Variants in RAB11A observed in about 807,000 individuals in gnomAD.
RAB11A encodes the protein ras-related protein Rab-11A.
A neutral mutation model predicts 28.0 loss-of-function variants in RAB11A; 9 were observed. That is an observed-to-expected ratio of 0.32 (90% CI 0.19 to 0.56). The LOEUF is 0.56. Ranked by LOEUF, RAB11A falls within the 20% of genes least tolerant of loss-of-function variation. The probability of loss-of-function intolerance (pLI) is 0.91; values close to 1 mark genes in which losing one functional copy is unlikely to be tolerated. For synonymous variants in RAB11A, 85 were observed against 88.2 expected (o/e 0.96, Z 0.20); for missense variants, 108 against 269.6 (o/e 0.40, Z 4.20).
At chr15:65,873,102 A>G (rs2078172718) in intron 1 of RAB11A, among the ~76,000 whole-genome samples, 2 of 152,264 alleles carry the variant, frequency 1.3e-5, no homozygotes, top group Non-Finnish European at 2.9e-5. Flanking sequence ...GTTCTTGAAC[A>G]GTAACCTTTA....
intron 3 of RAB11A, among the ~76,000 whole-genome samples, chr15:65,878,254 G>T (rs1353368637): frequency 6.6e-6 from 1 of 152,198 alleles, no homozygotes; most frequent in Non-Finnish European, 1.5e-5. Context: ...CAGAGGCTCA[G>T]GGAGTGTCAG....
At chr15:65,874,387 ATGCGCCAC>A (rs2078180071) in intron 1 of RAB11A, among the ~76,000 whole-genome samples, 1 of 152,024 alleles carries the variant, frequency 6.6e-6, no homozygotes, top group East Asian at 1.9e-4. Context: ...GACTACGGGC[ATGCGCCAC>A]CACACCTGGC....
chr15:65,885,843 C>T (rs1380605478), intron 4 of RAB11A, among the ~76,000 whole-genome samples: 1 of 152,208 alleles, frequency 6.6e-6, no homozygotes, highest in African/African-American at 2.4e-5. Context: ...AGATGACCCA[C>T]CTCCCAATGG....
At position 65,887,677 on chromosome 15, in the gene RAB11A, A is replaced by G. The variant is rs763226821; in HGVS notation, c.512-24A>G. 10 of 1,597,464 alleles carry G rather than the reference A, an allele frequency of 6.3e-6. No homozygotes were observed. In the Admixed American group the frequency reaches 1.7e-4, roughly 27 times the overall value. On this transcript the variant is annotated intron_variant, in intron 4 of 4. Coordinates refer to ENST00000261890, the MANE Select transcript of RAB11A (RefSeq NM_004663.5). ...TATGATAGGTTTATTCACACTAAGT[A>G]TTGTGGTTTCTTTTTTCCTTCAGAG...
chr15:65,880,182 A>G (rs1280795271), intron 4 of RAB11A, among the ~76,000 whole-genome samples: 1 of 152,234 alleles, frequency 6.6e-6, no homozygotes, highest in African/African-American at 2.4e-5. Context: ...CTCCCATGAT[A>G]CAGAAGAAGG....
chr15:65,879,833 C>G, intron 4 of RAB11A, 82 bp downstream of exon 4: 1 of 1,078,448 alleles, frequency 9.3e-7, no homozygotes, highest in Non-Finnish European at 1.4e-6. Context: ...AGTAACTAAA[C>G]TATATATCAG....
In RAB11A at chr15:65,889,813, C is replaced by G. The variant is rs963647327; in HGVS notation, c.*1973C>G. Reference sequence around the variant, plus strand: ...ATAAAGTAAACTTAGAATTTTTACCCAAGTGTAGACTTAAATGTTGCTTTG... The same window carrying G: ...ATAAAGTAAACTTAGAATTTTTACCGAAGTGTAGACTTAAATGTTGCTTTG... On this transcript the variant is annotated 3_prime_UTR_variant, in exon 5 of 5. Transcript: ENST00000261890. 3 of 152,084 alleles carry G rather than the reference C, an allele frequency of 2.0e-5. No homozygotes were observed. Among genetic ancestry groups the G allele is most frequent in the African/African-American group, 7.2e-5 (3 of 41,394 alleles). 9.4% of individuals were successfully genotyped at this position (152,084 alleles called of 1,614,324 possible). A position where few individuals can be genotyped will look rare whatever the true frequency, so the allele number is the denominator to read the frequency against.
intron 3 of RAB11A, among the ~76,000 whole-genome samples, chr15:65,878,705 AAGAG>A (rs1405013222): frequency 6.6e-6 from 1 of 152,178 alleles, no homozygotes; most frequent in Non-Finnish European, 1.5e-5. Context: ...CAAACAAAAA[AAGAG>A]AGAAAGTCTT....
Position 65,888,833 on chromosome 15 carries a change from T to C in RAB11A, c.*993T>C, listed in dbSNP as rs756966091. 8 of 152,496 alleles carry C rather than the reference T, an allele frequency of 5.2e-5. No individual in the cohort carries two copies. Among genetic ancestry groups the C allele is most frequent in the Non-Finnish European group, 7.4e-5 (5 of 68,024 alleles). The allele number at this position is 152,496 out of a possible 1,614,324, so 9.4% of individuals were successfully genotyped here. ...GAGTTTTGCAGTATATTATAGAATATAGTCCAGTTAAATCTTTGGTTTCAG... is the reference window on the plus strand; with the variant it reads ...GAGTTTTGCAGTATATTATAGAATACAGTCCAGTTAAATCTTTGGTTTCAG... On this transcript the variant is annotated 3_prime_UTR_variant, in exon 5 of 5. Transcript: ENST00000261890.
At chr15:65,878,252 CAG>C (rs751690208) in intron 3 of RAB11A, among the ~76,000 whole-genome samples, 21 of 152,170 alleles carry the variant, frequency 1.4e-4, no homozygotes, top group Non-Finnish European at 2.8e-4. Flanking sequence ...GGCAGAGGCT[CAG>C]GGAGTGTCAG....
rs921327312 is a variant in RAB11A at position 65,891,552 on chromosome 15, A to C, written c.*3712A>C. 1 of 152,230 alleles carries C rather than the reference A, an allele frequency of 6.6e-6. No individual in the cohort carries two copies. Among genetic ancestry groups the C allele is most frequent in the African/African-American group, 2.4e-5 (1 of 41,456 alleles). The allele number at this position is 152,230 out of a possible 1,614,324, so 9.4% of individuals were successfully genotyped here. ...CATTCTTCCAATTAATGAGGGTACC[A>C]GATTAAATAAACTCTGGGGATTCAT... On this transcript the variant is annotated 3_prime_UTR_variant, in exon 5 of 5. Transcript: ENST00000261890.
intron 1 of RAB11A, among the ~76,000 whole-genome samples, chr15:65,872,213 C>T (rs1182001695): frequency 1.3e-5 from 2 of 151,954 alleles, no homozygotes; most frequent in Admixed American, 1.3e-4. Flanking sequence ...CTCAGCCTCC[C>T]CAAGTGCTGG....
intron 1 of RAB11A, among the ~76,000 whole-genome samples, chr15:65,872,433 A>G (rs1225293200): frequency 1.4e-5 from 2 of 144,322 alleles, no homozygotes; most frequent in East Asian, 4.0e-4. Context: ...GAGGATTTCT[A>G]CTTTTTTTTT....
Position 65,890,448 on chromosome 15 carries a change from A to G in RAB11A, c.*2608A>G, listed in dbSNP as rs1359179043. The stretch of plus-strand genomic sequence containing the variant: ...TATGTCATTGTTCTCAAATGCCATG[A>G]TTTCTCTTTAATAGTAGTTGTCATT... On this transcript the variant is annotated 3_prime_UTR_variant, in exon 5 of 5. Coordinates refer to ENST00000261890, the MANE Select transcript of RAB11A (RefSeq NM_004663.5). The G allele has an allele frequency of 1.3e-5, 2 of 152,084 alleles. No individual in the cohort carries two copies. The highest frequency in any genetic ancestry group is 2.9e-5 in the Non-Finnish European group (2 of 68,030). The allele number at this position is 152,084 out of a possible 1,614,324, so 9.4% of individuals were successfully genotyped here.
intron 4 of RAB11A, among the ~76,000 whole-genome samples, chr15:65,884,259 A>T (rs2078240858): frequency 6.6e-6 from 1 of 152,218 alleles, no homozygotes; most frequent in African/African-American, 2.4e-5. Context: ...TCAGTCATTC[A>T]ATCAGATGAG....
In RAB11A at chr15:65,879,614, A is replaced by G. The variant is rs746400121; in HGVS notation, c.431-57A>G. ...TATTTTTCCTTTTGAGGGCTTGAGT[A>G]TATCCTATTCCTTGTTTTAAAACTT... On this transcript the variant is annotated intron_variant, in intron 3 of 4. Coordinates refer to ENST00000261890, the MANE Select transcript of RAB11A (RefSeq NM_004663.5). The G allele has an allele frequency of 2.2e-5, 29 of 1,348,158 alleles. 1 individual carries two copies. The highest frequency in any genetic ancestry group is 4.4e-5 in the African/African-American group (3 of 67,562). 83.5% of individuals were successfully genotyped at this position (1,348,158 alleles called of 1,614,324 possible). A position where few individuals can be genotyped will look rare whatever the true frequency, so the allele number is the denominator to read the frequency against.
intron 1 of RAB11A, among the ~76,000 whole-genome samples, chr15:65,874,383 G>A (rs1303189663): frequency 6.6e-6 from 1 of 151,834 alleles, no homozygotes; most frequent in Non-Finnish European, 1.5e-5. Context: ...CTGGGACTAC[G>A]GGCATGCGCC....
intron 4 of RAB11A, among the ~76,000 whole-genome samples, chr15:65,882,108 A>C (rs547564497): frequency 1.3e-5 from 2 of 152,298 alleles, no homozygotes; most frequent in South Asian, 4.1e-4. Context: ...CTCTAGATTG[A>C]ACTTTTGTTA....
At chr15:65,878,828 C>G (rs770638798) in intron 3 of RAB11A, among the ~76,000 whole-genome samples, 1 of 152,138 alleles carries the variant, frequency 6.6e-6, no homozygotes, top group Non-Finnish European at 1.5e-5. Context: ...ATACGGAATA[C>G]TATAGCCAAT....
Sources: gnomAD v4.1 joint callset for allele counts (sites outside exome capture counted in the v4.1 genomes callset) on GRCh38, gnomAD v4.1.1 for gene constraint, MANE v1.5 for transcripts, NCBI Gene and HGNC (gene_info 2026-07-23, HGNC 2026-07-21) for gene names.